TMEM181: variants seen among roughly 807,000 people sequenced by gnomAD.
TMEM181 encodes G protein-coupled receptor 178.
Under a neutral mutation model 71.9 loss-of-function variants are expected in TMEM181, and 39 were observed. The ratio of observed to expected loss-of-function variants is 0.54; its 90% CI spans 0.42 to 0.71. The LOEUF is 0.71. Ranked by LOEUF, TMEM181 falls within the 30% of genes least tolerant of loss-of-function variation. The pLI is 0.00. For synonymous variants in TMEM181, 245 were observed against 228.8 expected (o/e 1.07, Z -0.64); for missense variants, 595 against 583.0 (o/e 1.02, Z -0.21).
chr6:158,619,474 G>C (rs1465514462), intron 10 of TMEM181, among the ~76,000 whole-genome samples: 1 of 152,150 alleles, frequency 6.6e-6, no homozygotes, highest in African/African-American at 2.4e-5. Context: ...GGTTATTACC[G>C]ATCTTCTGAA....
rs908549905 is a variant in TMEM181 at position 158,560,293 on chromosome 6, GGGATCCCTGGCTCCCGGCGCCGTGCCGCA to G, written c.8+64_8+92del. ...CTCCGGACACTCCGGCCGAAAGTTG[GGGATCCCTGGCTCCCGGCGCCGTGCCGCA>G]GGGTCCCTGGCGCCCACGTGGAACT... On this transcript the variant is annotated intron_variant, in intron 1 of 16. Coordinates refer to ENST00000684151, the MANE Select transcript of TMEM181 (RefSeq NM_001376852.1). 9 of 985,168 alleles carry G rather than the reference GGGATCCCTGGCTCCCGGCGCCGTGCCGCA, an allele frequency of 9.1e-6. No homozygotes were observed. In the African/African-American group the frequency reaches 1.6e-4, roughly 17 times the overall value. 61.0% of individuals were successfully genotyped at this position (985,168 alleles called of 1,614,324 possible).
chr6:158,599,746 T>G (rs140338234), intron 6 of TMEM181, among the ~76,000 whole-genome samples: 1 of 152,174 alleles, frequency 6.6e-6, no homozygotes, highest in Non-Finnish European at 1.5e-5. Flanking sequence ...TGGAGGCCGC[T>G]GTGTGTCATG....
chr6:158,589,186 G>T (rs959746665), intron 5 of TMEM181, among the ~76,000 whole-genome samples: 3 of 152,202 alleles, frequency 2.0e-5, no homozygotes, highest in Admixed American at 2.0e-4. Flanking sequence ...GAGCAGGATG[G>T]AGAGGAAAGA....
intron 6 of TMEM181, among the ~76,000 whole-genome samples, chr6:158,599,412 G>A (rs530249806): frequency 3.9e-4 from 60 of 152,302 alleles, no homozygotes; most frequent in African/African-American, 1.2e-3. Flanking sequence ...AATGCCAAAG[G>A]GACCTTGACG....
intron 1 of TMEM181, among the ~76,000 whole-genome samples, chr6:158,564,900 G>A (rs1443772005): frequency 6.6e-6 from 1 of 152,246 alleles, no homozygotes; most frequent in Admixed American, 6.5e-5. Flanking sequence ...CTACTGCTCA[G>A]ATCCTAATTT....
intron 3 of TMEM181, among the ~76,000 whole-genome samples, chr6:158,581,477 G>A (rs188720972): frequency 3.1e-4 from 47 of 152,286 alleles, no homozygotes; most frequent in Middle Eastern, 6.8e-3. Context: ...AACTTGGCCA[G>A]GTGAGGTGGC....
At chr6:158,601,604 CA>C (rs1269207968) in intron 6 of TMEM181, among the ~76,000 whole-genome samples, 2 of 151,892 alleles carry the variant, frequency 1.3e-5, no homozygotes, top group Non-Finnish European at 2.9e-5. Flanking sequence ...ACTAAAAATA[CA>C]AAAATTAGCT....
upstream of TMEM181, among the ~76,000 whole-genome samples, chr6:158,559,874 G>A (rs1188572820): frequency 6.6e-6 from 1 of 152,226 alleles, no homozygotes; most frequent in Non-Finnish European, 1.5e-5. Context: ...AGGGACAAGA[G>A]GTAAACTAAG....
chr6:158,595,158 A>T (rs1334435241), intron 6 of TMEM181, among the ~76,000 whole-genome samples: 2 of 152,222 alleles, frequency 1.3e-5, no homozygotes, highest in East Asian at 1.9e-4. Flanking sequence ...AATTACTAAC[A>T]TCCTGGTATG....
chr6:158,576,699 A>G (rs1175677480), intron 2 of TMEM181, among the ~76,000 whole-genome samples: 1 of 151,712 alleles, frequency 6.6e-6, no homozygotes, highest in Admixed American at 6.6e-5. Flanking sequence ...ATAACAGCAA[A>G]CTCTGAGGAA....
intron 1 of TMEM181, among the ~76,000 whole-genome samples, chr6:158,567,684 T>C (rs79125352): frequency 0.021 from 3,141 of 152,288 alleles, 107 homozygotes; most frequent in African/African-American, 0.071. Flanking sequence ...CATCATAGAA[T>C]TGAAGCTCTG....
intron 1 of TMEM181, among the ~76,000 whole-genome samples, chr6:158,547,343 T>C (rs1186784419): frequency 4.6e-5 from 7 of 152,200 alleles, no homozygotes; most frequent in Non-Finnish European, 1.0e-4. Context: ...CTCAGTTGGT[T>C]TGGGGTTTAG....
chr6:158,560,372 G>C lies in TMEM181; in HGVS notation c.8+140G>C, dbSNP rs1453269813. On this transcript the variant is annotated intron_variant, in intron 1 of 16. Coordinates refer to ENST00000684151, the MANE Select transcript of TMEM181 (RefSeq NM_001376852.1). ...TGGGGGCAGGGAAAAGGGCGCTGAA[G>C]GGGGCTTCGCGGGCGGGTCAGGCGG... 5.2e-6 allele frequency: 5 copies of C among 962,110 alleles called. No homozygotes were observed. In the African/African-American group the frequency reaches 8.8e-5, roughly 17 times the overall value. 59.6% of individuals were successfully genotyped at this position (962,110 alleles called of 1,614,324 possible).
intron 6 of TMEM181, among the ~76,000 whole-genome samples, chr6:158,595,804 G>A (rs1360283205): frequency 1.3e-5 from 2 of 152,194 alleles, no homozygotes; most frequent in Non-Finnish European, 2.9e-5. Context: ...GCATCAAGCG[G>A]GGGGCTTCTG....
intron 1 of TMEM181, among the ~76,000 whole-genome samples, chr6:158,545,150 C>T (rs1353798016): frequency 6.6e-6 from 1 of 152,224 alleles, no homozygotes; most frequent in Non-Finnish European, 1.5e-5. Flanking sequence ...TATGCCTACT[C>T]CGAACGTTTC....
upstream of TMEM181, among the ~76,000 whole-genome samples, chr6:158,555,295 C>T (rs1781843294): frequency 6.6e-6 from 1 of 152,118 alleles, no homozygotes. Context: ...ATCTGTGAGC[C>T]TTTTATGAAG....
chr6:158,604,897 T>C (rs1314760600), intron 6 of TMEM181, among the ~76,000 whole-genome samples: 2 of 152,158 alleles, frequency 1.3e-5, no homozygotes, highest in Admixed American at 1.3e-4. Context: ...TTTATGTCTG[T>C]GTCCTTTGAT....
intron 8 of TMEM181, among the ~76,000 whole-genome samples, chr6:158,608,098 T>A (rs983669637): frequency 1.4e-4 from 21 of 152,242 alleles, no homozygotes; most frequent in Non-Finnish European, 5.9e-5. Flanking sequence ...CTACCTTTCC[T>A]TTGGCTCTGA....
Position 158,608,405 on chromosome 6 carries a change from TG to T in TMEM181, c.747del (p.Met249IlefsTer26). 1 of 1,614,246 alleles carries T rather than the reference TG, an allele frequency of 6.2e-7. No homozygotes were observed. The highest frequency in any genetic ancestry group is 8.5e-7 in the Non-Finnish European group (1 of 1,180,036). On this transcript the variant is annotated frameshift_variant, in exon 9 of 17. Coordinates refer to ENST00000684151, the MANE Select transcript of TMEM181 (RefSeq NM_001376852.1). LOFTEE classifies it high-confidence loss of function. ...PGMLDDLFQS[M>X]FLCALLLFWL... Reference sequence around the variant, plus strand: ...ATGCTGGATGACCTCTTTCAGTCCATGTTCCTGTGCGCCCTGCTGCTCTTCT... The same window carrying T: ...ATGCTGGATGACCTCTTTCAGTCCATTTCCTGTGCGCCCTGCTGCTCTTCT...
Sources: allele counts gnomAD v4.1 joint callset (sites outside exome capture counted in the v4.1 genomes callset), GRCh38; gene constraint gnomAD v4.1.1; transcripts MANE v1.5; gene names NCBI Gene and HGNC (gene_info 2026-07-23, HGNC 2026-07-21).